Variants in HHAT observed in about 807,000 individuals in gnomAD.
HHAT encodes hedgehog acyltransferase, also known as protein-cysteine N-palmitoyltransferase HHAT.
HHAT carries 47 observed loss-of-function variants against 70.8 expected under a neutral mutation model. The ratio of observed to expected loss-of-function variants is 0.66; its 90% CI spans 0.53 to 0.85. The LOEUF is 0.85. HHAT is among the 40% of genes least tolerant of loss of function. The pLI, the probability that HHAT is intolerant of heterozygous loss-of-function variation, is 0.00. For synonymous variants in HHAT, 228 were observed against 247.6 expected (o/e 0.92, Z 0.74); for missense variants, 609 against 604.8 (o/e 1.01, Z -0.07).
At chr1:210,430,154 T>G (rs1461798584) in intron 7 of HHAT, among the ~76,000 whole-genome samples, 1 of 151,926 alleles carries the variant, frequency 6.6e-6, no homozygotes, top group Non-Finnish European at 1.5e-5. Flanking sequence ...GATGCTAAAA[T>G]TGTCCCAAAT....
chr1:210,628,434 A>G (rs911903827), intron 11 of HHAT, among the ~76,000 whole-genome samples: 1 of 152,176 alleles, frequency 6.6e-6, no homozygotes, highest in Non-Finnish European at 1.5e-5. Context: ...GAGATGTGGC[A>G]TCCACCAAAC....
chr1:210,367,563 T>C (rs2089124185), intron 3 of HHAT, among the ~76,000 whole-genome samples: 1 of 146,570 alleles, frequency 6.8e-6, no homozygotes, highest in African/African-American at 2.8e-5. Flanking sequence ...GAGGAGATGC[T>C]GTTCCAGTGG....
intron 3 of HHAT, among the ~76,000 whole-genome samples, chr1:210,363,356 G>C (rs1293623341): frequency 6.6e-6 from 1 of 152,194 alleles, no homozygotes; most frequent in Non-Finnish European, 1.5e-5. Context: ...CCCTCTGGTA[G>C]GGCGGTGCCA....
chr1:210,611,184 T>A (rs1573715624), intron 10 of HHAT, among the ~76,000 whole-genome samples: 1 of 152,228 alleles, frequency 6.6e-6, no homozygotes, highest in East Asian at 1.9e-4. Flanking sequence ...ACTGATTTAT[T>A]TGAGCAGTAG....
In HHAT at chr1:210,602,163, G is replaced by C. The variant is rs192400211; in HGVS notation, c.1245+14064G>C. Reference sequence around the variant, plus strand: ...GTCCACGGTGGTGATGCTACTCAGGGGTCGAGTAAAATGAGAGTGCTGGCA... The same window carrying C: ...GTCCACGGTGGTGATGCTACTCAGGCGTCGAGTAAAATGAGAGTGCTGGCA... On this transcript the variant is annotated intron_variant, in intron 10 of 11. Transcript: ENST00000261458. Among the ~76,000 whole-genome samples, 48 of 152,184 alleles carry C rather than the reference G, an allele frequency of 3.2e-4. No individual in the cohort carries two copies. In the East Asian group the frequency reaches 9.1e-3, roughly 29 times the overall value.
intron 9 of HHAT, among the ~76,000 whole-genome samples, chr1:210,541,604 G>C (rs143416517): frequency 2.1e-3 from 314 of 152,310 alleles, no homozygotes; most frequent in African/African-American, 6.8e-3. Flanking sequence ...GCGCGTGCCT[G>C]TAATCCCAGC....
chr1:210,616,434 T>C (rs1314891195), intron 10 of HHAT, among the ~76,000 whole-genome samples: 1 of 152,232 alleles, frequency 6.6e-6, no homozygotes, highest in Non-Finnish European at 1.5e-5. Flanking sequence ...GGAGATTTGC[T>C]AAATCTCCTA....
intron 9 of HHAT, among the ~76,000 whole-genome samples, chr1:210,518,599 C>A (rs547722708): frequency 1.0e-3 from 155 of 152,256 alleles, no homozygotes; most frequent in African/African-American, 3.4e-3. Context: ...TTGAGACCAG[C>A]CTGGCCAACA....
chr1:210,403,705 T>C (rs1423180957), intron 5 of HHAT, among the ~76,000 whole-genome samples: 2 of 152,236 alleles, frequency 1.3e-5, no homozygotes, highest in Non-Finnish European at 2.9e-5. Context: ...AAATAGTTTT[T>C]CTCACTAAAT....
intron 1 of HHAT, among the ~76,000 whole-genome samples, chr1:210,343,780 A>G (rs993592882): frequency 7.2e-5 from 11 of 152,180 alleles, no homozygotes; most frequent in African/African-American, 2.7e-4. Flanking sequence ...ACTTCCTGAA[A>G]GAGGTCCAGA....
At chr1:210,539,840 T>C (rs1174657480) in intron 9 of HHAT, among the ~76,000 whole-genome samples, 1 of 152,106 alleles carries the variant, frequency 6.6e-6, no homozygotes, top group Non-Finnish European at 1.5e-5. Flanking sequence ...TTCCAGTAAA[T>C]CCTCCTGGAT....
At chr1:210,452,775 A>G (rs2093780610) in intron 7 of HHAT, among the ~76,000 whole-genome samples, 1 of 152,210 alleles carries the variant, frequency 6.6e-6, no homozygotes, top group African/African-American at 2.4e-5. Flanking sequence ...AATCCATGGT[A>G]AATCCAGGTA....
chr1:210,587,971 G>C lies in HHAT; in HGVS notation c.1117G>C (p.Ala373Pro). ...ACTGTTTTCCACGGCGATGACATTT[G>C]CATTTGTGAGCTACTGGCATGGCGG... Reference protein sequence around the residue: ...GTLFSTAMTFAFVSYWHGGYD... With the variant: ...GTLFSTAMTFPFVSYWHGGYD... The change falls in exon 10 of 12, where the codon GCA (alanine) becomes CCA (proline). Residue 373 changes from alanine to proline, a missense_variant. Transcript: ENST00000261458. 6.2e-7 allele frequency: 1 copy of C among 1,614,148 alleles called. No homozygotes were observed. The highest frequency in any genetic ancestry group is 8.5e-7 in the Non-Finnish European group (1 of 1,180,022).
At chr1:210,529,405 C>G (rs534587790) in intron 9 of HHAT, among the ~76,000 whole-genome samples, 1 of 151,672 alleles carries the variant, frequency 6.6e-6, no homozygotes, top group Non-Finnish European at 1.5e-5. Flanking sequence ...CTATGAGAAG[C>G]GGGGATATCA....
intron 8 of HHAT, among the ~76,000 whole-genome samples, chr1:210,484,648 G>T (rs889386101): frequency 2.0e-5 from 3 of 152,116 alleles, no homozygotes; most frequent in African/African-American, 7.2e-5. Flanking sequence ...GTTGCAGAAT[G>T]ATTTTCTGAC....
At chr1:210,504,153 A>AG (rs750992437) in intron 8 of HHAT, among the ~76,000 whole-genome samples, 3 of 152,242 alleles carry the variant, frequency 2.0e-5, no homozygotes, top group East Asian at 3.8e-4. Context: ...AATACTTACA[A>AG]GGGTAGGAAC....
At chr1:210,557,604 G>A (rs1374508833) in intron 9 of HHAT, among the ~76,000 whole-genome samples, 2 of 152,172 alleles carry the variant, frequency 1.3e-5, no homozygotes, top group South Asian at 2.1e-4. Context: ...GAATCATGGC[G>A]GGTGGTGAAA....
At chr1:210,391,449 CTT>C (rs1029831578) in intron 4 of HHAT, among the ~76,000 whole-genome samples, 4 of 152,004 alleles carry the variant, frequency 2.6e-5, no homozygotes, top group East Asian at 1.9e-4. Flanking sequence ...AAATTAAAAA[CTT>C]TTTATCTAAT....
intron 10 of HHAT, among the ~76,000 whole-genome samples, chr1:210,611,445 T>C (rs1323401777): frequency 6.6e-6 from 1 of 152,106 alleles, no homozygotes; most frequent in Non-Finnish European, 1.5e-5. Flanking sequence ...TAGGATCATG[T>C]CATCTCCAAA....
Sources: gnomAD v4.1 joint callset for allele counts (sites outside exome capture counted in the v4.1 genomes callset) on GRCh38, gnomAD v4.1.1 for gene constraint, MANE v1.5 for transcripts, NCBI Gene and HGNC (gene_info 2026-07-23, HGNC 2026-07-21) for gene names.